The following TTLL5 variants were observed in gnomAD, a reference collection of about 807,000 sequenced individuals.
The protein encoded by TTLL5 is tubulin tyrosine ligase like 5, also known as tubulin polyglutamylase TTLL5.
TTLL5 carries 132 observed loss-of-function variants against 168.4 expected under a neutral mutation model. That is an observed-to-expected ratio of 0.78 (90% confidence interval 0.68 to 0.91). The LOEUF is 0.91. Among genes scored for constraint, TTLL5 ranks in the 40% least tolerant of loss-of-function variants. TTLL5 has a pLI of 0.00. For missense variants in TTLL5, 1,545 were observed against 1,581.5 expected (o/e 0.98, Z 0.39); for synonymous variants, 546 against 558.6 (o/e 0.98, Z 0.32).
In TTLL5 at chr14:75,829,966, A is replaced by G. The variant is rs1478262259; in HGVS notation, c.3326+9805A>G. Among the ~76,000 whole-genome samples the G allele has an allele frequency of 2.0e-5, 3 of 152,226 alleles. No homozygotes were observed. In the South Asian group the frequency reaches 6.2e-4, roughly 32 times the overall value. On this transcript the variant is annotated intron_variant, in intron 28 of 31. Transcript: ENST00000298832. ...TGGTGTGGGGGAATTAGGAAGTATCATTAATCATTCTCCTTTCTTCCAAGT... is the reference window on the plus strand; with the variant it reads ...TGGTGTGGGGGAATTAGGAAGTATCGTTAATCATTCTCCTTTCTTCCAAGT...
rs565127704 is a variant in TTLL5 at position 75,935,261 on chromosome 14, A to G, written c.3824-19163A>G. On this transcript the variant is annotated intron_variant, in intron 31 of 31. Transcript: ENST00000298832. ...CAAGGTCAAACTTCTTTTCACCAACAGCCCTCGTTGGTTTCTTGAGTGATG... is the reference window on the plus strand; with the variant it reads ...CAAGGTCAAACTTCTTTTCACCAACGGCCCTCGTTGGTTTCTTGAGTGATG... Among the ~76,000 whole-genome samples, 3 of 152,328 alleles carry G rather than the reference A, an allele frequency of 2.0e-5. No homozygotes were observed. In the East Asian group the frequency reaches 5.8e-4, roughly 29 times the overall value.
chr14:75,812,670 G>T (rs1894121960), intron 27 of TTLL5, among the ~76,000 whole-genome samples: 1 of 152,062 alleles, frequency 6.6e-6, no homozygotes, highest in Non-Finnish European at 1.5e-5. Flanking sequence ...CCCATCAAAG[G>T]CATTTCTGCT....
intron 31 of TTLL5, among the ~76,000 whole-genome samples, chr14:75,930,114 T>C (rs111250519): frequency 0.012 from 1,902 of 152,346 alleles, 19 homozygotes; most frequent in Non-Finnish European, 0.019. Context: ...ATGTTTGGTG[T>C]TCTCCTGTGG....
At chr14:75,756,400 A>G (rs750009086) in intron 18 of TTLL5, among the ~76,000 whole-genome samples, 2 of 152,202 alleles carry the variant, frequency 1.3e-5, no homozygotes, top group African/African-American at 4.8e-5. Flanking sequence ...CTTCATGGTG[A>G]TATAATCATT....
chr14:75,669,426 T>A lies in TTLL5; in HGVS notation c.85T>A (p.Cys29Ser), dbSNP rs376217586. The change falls in exon 3 of 32, where the codon TGC (cysteine) becomes AGC (serine). Residue 29 changes from cysteine (C) to serine (S), a missense_variant. Transcript: ENST00000298832. ...TTTTTGTCGTTATAGGGATCATCCA[T>A]GCATCATGTGGACTGGAGGCTGCAG... ...EEVISQEDHP[C>S]IMWTGGCRRI... 3 of 1,613,858 alleles carry A rather than the reference T, an allele frequency of 1.9e-6. No individual in the cohort carries two copies. Among genetic ancestry groups the A allele is most frequent in the African/African-American group, 2.7e-5 (2 of 74,930 alleles).
At chr14:75,782,620 C>T in intron 25 of TTLL5, 47 bp downstream of exon 25, 1 of 1,493,054 alleles carries the variant, frequency 6.7e-7, no homozygotes, top group South Asian at 1.2e-5. Flanking sequence ...CTGATAATTT[C>T]CTAAAAGAAG....
At chr14:75,799,428 G>A (rs564673650) in intron 27 of TTLL5, among the ~76,000 whole-genome samples, 1 of 152,210 alleles carries the variant, frequency 6.6e-6, no homozygotes, top group East Asian at 1.9e-4. Context: ...AGCAGATTTT[G>A]TATCTTTTAA....
intron 28 of TTLL5, among the ~76,000 whole-genome samples, chr14:75,862,967 G>T (rs943828129): frequency 2.6e-5 from 4 of 152,018 alleles, no homozygotes; most frequent in African/African-American, 9.7e-5. Context: ...AATAATTTGG[G>T]CAAGGAAGAT....
At chr14:75,770,869 C>T (rs1891267300) in intron 20 of TTLL5, among the ~76,000 whole-genome samples, 1 of 152,206 alleles carries the variant, frequency 6.6e-6, no homozygotes, top group Non-Finnish European at 1.5e-5. Flanking sequence ...GGGCTCCAGC[C>T]ATTCCATCTT....
chr14:75,944,672 G>A (rs947567456), intron 31 of TTLL5, among the ~76,000 whole-genome samples: 2 of 151,832 alleles, frequency 1.3e-5, no homozygotes, highest in African/African-American at 4.8e-5. Flanking sequence ...CCACAACCAG[G>A]AATGTCAGGT....
Position 75,690,207 on chromosome 14 carries a change from C to T in TTLL5, c.387C>T (p.Thr129=), listed in dbSNP as rs373045019. Residue 129 remains threonine (T), a synonymous_variant, in exon 6 of 32, where the codon ACC becomes ACT. Coordinates refer to ENST00000298832, the MANE Select transcript of TTLL5 (RefSeq NM_015072.5). Reference sequence around the variant, plus strand: ...GATTTTTCAGGTCTTATGAACTTACCCGGAAGGACCGACTGTACAAAAACA... The same window carrying T: ...GATTTTTCAGGTCTTATGAACTTACTCGGAAGGACCGACTGTACAAAAACA... ...VNHFPRSYEL[T]RKDRLYKNII... The T allele has an allele frequency of 5.6e-6, 9 of 1,612,424 alleles. No homozygotes were observed. The African/African-American group carries it at 1.2e-4, about 22-fold the overall frequency.
intron 18 of TTLL5, among the ~76,000 whole-genome samples, chr14:75,759,479 T>G (rs531539675): frequency 1.3e-5 from 2 of 152,150 alleles, no homozygotes; most frequent in Non-Finnish European, 2.9e-5. Flanking sequence ...ACCAATCTTA[T>G]ACAGATTCTT....
rs563190806 is a variant in TTLL5, at chr14:75,857,224, A to G, written c.3327-6443A>G. Reference sequence around the variant, plus strand: ...ATGGGTATTGAATTTTGTCAAATGCATTTCATGTCTAACGGTATTAATATA... The same window carrying G: ...ATGGGTATTGAATTTTGTCAAATGCGTTTCATGTCTAACGGTATTAATATA... On this transcript the variant is annotated intron_variant, in intron 28 of 31. Transcript: ENST00000298832. 8.5e-5 allele frequency among the ~76,000 whole-genome samples: 13 copies of G among 152,296 alleles called. No individual in the cohort carries two copies. In the East Asian group the frequency reaches 2.5e-3, roughly 29 times the overall value.
chr14:75,684,321 A>G (rs1884864409), intron 5 of TTLL5: 1 of 152,162 alleles, frequency 6.6e-6, no homozygotes, highest in South Asian at 2.1e-4. Context: ...CTCACCTAGA[A>G]TCTTAGTCTG....
intron 27 of TTLL5, among the ~76,000 whole-genome samples, chr14:75,819,395 T>C (rs1429680431): frequency 1.3e-5 from 2 of 152,228 alleles, no homozygotes; most frequent in East Asian, 1.9e-4. Flanking sequence ...CAAAGTGATA[T>C]GCAAAAATGA....
chr14:75,906,260 C>T lies in TTLL5; in HGVS notation c.3823+4036C>T, dbSNP rs771366988. ...GATCAGATTCTTACTCTTTTCACCA[C>T]GTGTTGTATAGTTTTTGGAGCTCCT... On this transcript the variant is annotated intron_variant, in intron 31 of 31. Transcript: ENST00000298832. 9.8e-5 allele frequency among the ~76,000 whole-genome samples: 15 copies of T among 152,332 alleles called. No homozygotes were observed. In the East Asian group the frequency reaches 1.5e-3, roughly 16 times the overall value.
chr14:75,778,391 T>C (rs1891846857), intron 23 of TTLL5, among the ~76,000 whole-genome samples: 3 of 152,198 alleles, frequency 2.0e-5, no homozygotes. Context: ...AAGACAGATA[T>C]AAAGCAGCTT....
intron 26 of TTLL5, among the ~76,000 whole-genome samples, chr14:75,787,368 A>G (rs1462055289): frequency 2.6e-5 from 4 of 152,220 alleles, no homozygotes; most frequent in African/African-American, 9.6e-5. Flanking sequence ...GCATTAATAT[A>G]TGCTGAAATA....
At chr14:75,689,278 G>C (rs1431892999) in intron 5 of TTLL5, 1 of 152,236 alleles carries the variant, frequency 6.6e-6, no homozygotes, top group Non-Finnish European at 1.5e-5. Flanking sequence ...GTGCTGGCCA[G>C]TATCTTGACT....
Sources: gnomAD v4.1 joint callset for allele counts (sites outside exome capture counted in the v4.1 genomes callset) on GRCh38, gnomAD v4.1.1 for gene constraint, MANE v1.5 for transcripts, NCBI Gene and HGNC (gene_info 2026-07-23, HGNC 2026-07-21) for gene names.